Variants in TSHZ1 observed in about 807,000 individuals in gnomAD.
The protein encoded by TSHZ1 is teashirt zinc finger homeobox 1, also known as teashirt homolog 1.
In TSHZ1, 12 loss-of-function variants were observed where a neutral mutation model predicts 67.1. The ratio of observed to expected loss-of-function variants is 0.18; its 90% CI spans 0.11 to 0.29. The LOEUF (loss-of-function observed/expected upper bound fraction) is 0.29. Ranked by LOEUF, TSHZ1 falls within the 10% of genes least tolerant of loss-of-function variation. TSHZ1 has a pLI of 1.00. For missense variants in TSHZ1, 1,305 were observed against 1,413.9 expected (o/e 0.92, Z 1.23); for synonymous variants, 632 against 622.4 (o/e 1.02, Z -0.23).
Position 75,288,393 on chromosome 18 carries a change from A to G in TSHZ1, c.2986A>G (p.Ser996Gly). ...ISHLETHLGF[S>G]LKDLSKLPLN... ...TCATTTGGAGACACACTTGGGCTTCAGCCTGAAGGATCTCTCCAAGCTGCC... is the reference window on the plus strand; with the variant it reads ...TCATTTGGAGACACACTTGGGCTTCGGCCTGAAGGATCTCTCCAAGCTGCC... The change falls in exon 2 of 2, where the codon AGC (serine) becomes GGC (glycine). Residue 996 changes from serine to glycine, a missense_variant. Coordinates refer to ENST00000580243, the MANE Select transcript of TSHZ1 (RefSeq NM_001308210.2). The surrounding 1 kb of genome is among the most constrained non-coding windows in gnomAD (Gnocchi z 4.9). 2 of 1,614,220 alleles carry G rather than the reference A, an allele frequency of 1.2e-6. No homozygotes were observed. The highest frequency in any genetic ancestry group is 1.7e-6 in the Non-Finnish European group (2 of 1,180,038).
At chr18:75,245,265 A>G (rs1400588669) in intron 1 of TSHZ1, 1 of 152,204 alleles carries the variant, frequency 6.6e-6, no homozygotes, top group African/African-American at 2.4e-5. Context: ...TGAACTCCAC[A>G]TTGGTATTTT....
chr18:75,235,231 T>G (rs1318014401), intron 1 of TSHZ1, among the ~76,000 whole-genome samples: 1 of 152,148 alleles, frequency 6.6e-6, no homozygotes, highest in African/African-American at 2.4e-5. Context: ...CATTAAACGT[T>G]TAATCCCCTT....
chr18:75,258,450 T>C (rs960550880), intron 1 of TSHZ1, among the ~76,000 whole-genome samples: 2 of 152,186 alleles, frequency 1.3e-5, no homozygotes, highest in African/African-American at 4.8e-5. Flanking sequence ...CTTTGTAAAG[T>C]TGCAAGTATT....
chr18:75,261,238 A>G (rs978517607), intron 1 of TSHZ1, among the ~76,000 whole-genome samples: 24 of 152,188 alleles, frequency 1.6e-4, no homozygotes, highest in African/African-American at 5.8e-4. Context: ...AGAGAACTGT[A>G]TCTCTTAAGA....
At chr18:75,279,664 A>T (rs1317650307) in intron 1 of TSHZ1, among the ~76,000 whole-genome samples, 1 of 152,206 alleles carries the variant, frequency 6.6e-6, no homozygotes, top group Non-Finnish European at 1.5e-5. Flanking sequence ...GCGGGGCAGG[A>T]GCTCACTCAT....
At chr18:75,247,486 G>A (rs1199548635) in intron 1 of TSHZ1, among the ~76,000 whole-genome samples, 1 of 152,228 alleles carries the variant, frequency 6.6e-6, no homozygotes, top group Non-Finnish European at 1.5e-5. Context: ...GCTAGATTCA[G>A]TTGCGTGAAT....
chr18:75,233,955 G>A (rs1272052264), intron 1 of TSHZ1, among the ~76,000 whole-genome samples: 1 of 152,116 alleles, frequency 6.6e-6, no homozygotes, highest in Non-Finnish European at 1.5e-5. Context: ...TTGGTGACTC[G>A]TATTTGCACA....
chr18:75,287,334 G>A lies in TSHZ1; in HGVS notation c.1927G>A (p.Val643Met), dbSNP rs2023788240. ...CAACGTGTCTGCCATGGAGGAGCTG[G>A]TGGAGAAGGTCACGGGCAAGGTCAA... is the stretch of plus-strand genomic sequence containing the variant. Reference protein sequence around the residue: ...KSNVSAMEELVEKVTGKVNIK... With the variant: ...KSNVSAMEELMEKVTGKVNIK... The change falls in exon 2 of 2, where the codon GTG becomes ATG. Residue 643 changes from valine (V) to methionine (M), a missense_variant. Coordinates refer to ENST00000580243, the MANE Select transcript of TSHZ1 (RefSeq NM_001308210.2). This position sits in a 1 kb window ranked among gnomAD's most constrained non-coding sequence, Gnocchi z 5.0. 6.2e-7 allele frequency: 1 copy of A among 1,614,166 alleles called. No homozygotes were observed.
chr18:75,272,695 C>G (rs2023572372), intron 1 of TSHZ1, among the ~76,000 whole-genome samples: 1 of 152,222 alleles, frequency 6.6e-6, no homozygotes, highest in African/African-American at 2.4e-5. Flanking sequence ...GAGAGAATAT[C>G]AGGTCATCTA....
chr18:75,226,854 T>A (rs2122527967), intron 1 of TSHZ1, among the ~76,000 whole-genome samples: 1 of 152,260 alleles, frequency 6.6e-6, no homozygotes. Context: ...GGAAAGCCTG[T>A]GATGTTTCTG....
At chr18:75,234,290 C>T (rs113593574) in intron 1 of TSHZ1, among the ~76,000 whole-genome samples, 6,764 of 152,232 alleles carry the variant, frequency 0.044, 216 homozygotes, top group Non-Finnish European at 0.055. Flanking sequence ...GCCCTGGGCC[C>T]TCTCCTTAAC....
intron 1 of TSHZ1, among the ~76,000 whole-genome samples, chr18:75,220,051 C>T (rs899717635): frequency 1.3e-5 from 2 of 152,178 alleles, no homozygotes; most frequent in African/African-American, 4.8e-5. Flanking sequence ...CCCAGAACAC[C>T]GCATAAAGAG....
Position 75,281,329 on chromosome 18 carries a change from G to A in TSHZ1, c.41-4119G>A, listed in dbSNP as rs755531672. Among the ~76,000 whole-genome samples the A allele has an allele frequency of 6.6e-6, 1 of 152,202 alleles. No individual in the cohort carries two copies. Among genetic ancestry groups the A allele is most frequent in the Non-Finnish European group, 1.5e-5 (1 of 68,038 alleles). ...GGGTTATTCGGTAACGTCTGAATCT[G>A]GAGATTCAGAAGGAGGAGAAAGTGT... On this transcript the variant is annotated intron_variant, in intron 1 of 1. Coordinates refer to ENST00000580243, the MANE Select transcript of TSHZ1 (RefSeq NM_001308210.2). This position sits in a 1 kb window ranked among gnomAD's most constrained non-coding sequence, Gnocchi z 5.3.
In TSHZ1 at chr18:75,250,634, C is replaced by T. The variant is rs2023289963; in HGVS notation, c.41-34814C>T. ...GTCCCCGCTTCCTGGAAACTGAGCC[C>T]GGGAACGGCCTTGGCCCGGGGAAAG... is the stretch of plus-strand genomic sequence containing the variant. On this transcript the variant is annotated intron_variant, in intron 1 of 1. Coordinates refer to ENST00000580243, the MANE Select transcript of TSHZ1 (RefSeq NM_001308210.2). 2.0e-5 allele frequency among the ~76,000 whole-genome samples: 3 copies of T among 152,338 alleles called. 1 individual carries two copies. The highest frequency in any genetic ancestry group is 4.1e-4 in the South Asian group (2 of 4,824).
chr18:75,214,590 G>A (rs2581652), intron 1 of TSHZ1, among the ~76,000 whole-genome samples: 31,474 of 152,048 alleles, frequency 0.21, 4,927 homozygotes, highest in African/African-American at 0.44. Context: ...TTTCTTGAGA[G>A]TATCTTAGTG....
intron 1 of TSHZ1, among the ~76,000 whole-genome samples, chr18:75,272,912 A>T (rs995791447): frequency 5.9e-5 from 9 of 152,222 alleles, no homozygotes; most frequent in African/African-American, 2.2e-4. Flanking sequence ...ATTAAATGCT[A>T]ATATCCCAAT....
At chr18:75,274,764 AATT>A (rs2023597466) in intron 1 of TSHZ1, among the ~76,000 whole-genome samples, 1 of 152,198 alleles carries the variant, frequency 6.6e-6, no homozygotes, top group South Asian at 2.1e-4. Context: ...CTTGTAAAGC[AATT>A]ATGAGAATTC....
chr18:75,246,403 G>GGTGTGTGT (rs74178999), intron 1 of TSHZ1, among the ~76,000 whole-genome samples: 1,621 of 108,402 alleles, frequency 0.015, 98 homozygotes, highest in South Asian at 0.042. Context: ...TTTGGTTTCT[G>GGTGTGTGT]GTGTGTGTGT....
chr18:75,280,335 A>G (rs1461245065), intron 1 of TSHZ1, among the ~76,000 whole-genome samples: 3 of 152,246 alleles, frequency 2.0e-5, no homozygotes, highest in Non-Finnish European at 4.4e-5. Context: ...TGGGCTAAAG[A>G]GCATCAATGT....
Sources: allele counts gnomAD v4.1 joint callset (sites outside exome capture counted in the v4.1 genomes callset), GRCh38; gene constraint gnomAD v4.1.1; non-coding constraint Gnocchi (gnomAD v3.1); transcripts MANE v1.5; gene names NCBI Gene and HGNC (gene_info 2026-07-23, HGNC 2026-07-21).